The following DOCK1 variants were observed in gnomAD, a reference collection of about 807,000 sequenced individuals.
The protein encoded by DOCK1 is dedicator of cytokinesis 1, also known as dedicator of cytokinesis protein 1.
Under a neutral mutation model 262.7 loss-of-function variants are expected in DOCK1, and 138 were observed. The ratio of observed to expected loss-of-function variants is 0.53; its 90% CI spans 0.46 to 0.61. The LOEUF is 0.61. Ranked by LOEUF, DOCK1 falls within the 20% of genes least tolerant of loss-of-function variation. The pLI, the probability that DOCK1 is intolerant of heterozygous loss-of-function variation, is 0.00. For missense variants in DOCK1, 1,908 were observed against 2,370.7 expected (o/e 0.80, Z 4.05); for synonymous variants, 866 against 867.4 (o/e 1.00, Z 0.03).
chr10:126,970,579 T>C (rs779308028), intron 1 of DOCK1, 123 bp from the exon 2 acceptor site: 16 of 693,856 alleles, frequency 2.3e-5, no homozygotes, highest in Non-Finnish European at 4.0e-5. Flanking sequence ...GAGAGGATGA[T>C]GCAGGCAGCG....
intron 44 of DOCK1, among the ~76,000 whole-genome samples, chr10:127,417,317 C>T (rs2068217559): frequency 6.6e-6 from 1 of 152,194 alleles, no homozygotes; most frequent in Non-Finnish European, 1.5e-5. Context: ...GACCCAGCCA[C>T]GTTGCCCTGG....
intron 29 of DOCK1, among the ~76,000 whole-genome samples, chr10:127,288,750 A>G (rs746139955): frequency 1.6e-4 from 24 of 146,422 alleles, no homozygotes; most frequent in Non-Finnish European, 3.6e-4. Context: ...AATACATAGT[A>G]TATACTATAC....
chr10:127,363,571 C>T (rs2064717951), intron 33 of DOCK1, among the ~76,000 whole-genome samples: 2 of 152,018 alleles, frequency 1.3e-5, no homozygotes, highest in Non-Finnish European at 2.9e-5. Flanking sequence ...GAGAAAAATT[C>T]CTATAATGAA....
chr10:127,412,777 T>C (rs1313410390), intron 43 of DOCK1, among the ~76,000 whole-genome samples: 4 of 152,352 alleles, frequency 2.6e-5, no homozygotes, highest in African/African-American at 9.6e-5. Context: ...TTAAGAGCCA[T>C]GGGGAAGTTC....
chr10:126,975,066 C>T (rs564399336), intron 2 of DOCK1, among the ~76,000 whole-genome samples: 3 of 151,984 alleles, frequency 2.0e-5, no homozygotes, highest in South Asian at 2.1e-4. Context: ...CCTGTGTTCT[C>T]GTGCTGTTTG....
rs371420594 is a variant in DOCK1 at position 126,977,073 on chromosome 10, C to T, written c.131-875C>T. 3.9e-5 allele frequency among the ~76,000 whole-genome samples: 6 copies of T among 152,274 alleles called. No individual in the cohort carries two copies. The East Asian group carries it at 1.2e-3, about 29-fold the overall frequency. ...GATTAGCTTTCCAGAAACTAGATGG[C>T]CTGGAGTGACTTCAGAATGTTTGGG... On this transcript the variant is annotated intron_variant, in intron 2 of 51. Transcript: ENST00000623213.
chr10:127,021,444 C>T (rs1008621380), intron 13 of DOCK1, among the ~76,000 whole-genome samples: 5 of 152,194 alleles, frequency 3.3e-5, no homozygotes, highest in African/African-American at 9.7e-5. Context: ...GGATTACAGG[C>T]GTGAGCCACT....
chr10:127,299,768 C>CG (rs2061621135), intron 29 of DOCK1, among the ~76,000 whole-genome samples: 1 of 152,060 alleles, frequency 6.6e-6, no homozygotes, highest in Non-Finnish European at 1.5e-5. Flanking sequence ...CCTAGACCTA[C>CG]GTACTTTGGA....
chr10:127,120,951 C>G (rs112959530), intron 25 of DOCK1, among the ~76,000 whole-genome samples: 1 of 152,124 alleles, frequency 6.6e-6, no homozygotes. Flanking sequence ...TCATTTAGTT[C>G]TCAGTCAACC....
At chr10:127,332,800 C>T (rs2063040960) in intron 29 of DOCK1, among the ~76,000 whole-genome samples, 1 of 152,172 alleles carries the variant, frequency 6.6e-6, no homozygotes, top group East Asian at 1.9e-4. Context: ...TGAGTCACCA[C>T]CTGGATGAAG....
At chr10:127,255,157 T>C (rs1299297786) in intron 28 of DOCK1, among the ~76,000 whole-genome samples, 1 of 152,118 alleles carries the variant, frequency 6.6e-6, no homozygotes, top group East Asian at 1.9e-4. Flanking sequence ...CCCAACACTT[T>C]GGGAGGCCGA....
intron 27 of DOCK1, among the ~76,000 whole-genome samples, chr10:127,170,071 C>T (rs551681486): frequency 5.9e-5 from 9 of 152,044 alleles, no homozygotes; most frequent in Admixed American, 3.9e-4. Flanking sequence ...ACCACCCTTT[C>T]TCAATGAGGA....
chr10:127,433,438 G>T lies in DOCK1; in HGVS notation c.5060+10G>T, dbSNP rs1382107352. The T allele has an allele frequency of 6.2e-7, 1 of 1,613,860 alleles. No homozygotes were observed. The highest frequency in any genetic ancestry group is 8.5e-7 in the Non-Finnish European group (1 of 1,179,844). On this transcript the variant is annotated intron_variant, in intron 48 of 51. Coordinates refer to ENST00000623213, the MANE Select transcript of DOCK1 (RefSeq NM_001290223.2). ...GACCAGGCTCCGACGGGTGAGTCAA[G>T]CTCACAGCAGGGCTGAGCTGAGCAG...
chr10:127,213,343 G>A (rs776215403), intron 27 of DOCK1, among the ~76,000 whole-genome samples: 7 of 152,326 alleles, frequency 4.6e-5, no homozygotes, highest in East Asian at 1.9e-4. Context: ...ATGTTCTAAT[G>A]CTTTGGAAAG....
chr10:127,402,185 G>A (rs1320454200), intron 38 of DOCK1, among the ~76,000 whole-genome samples: 1 of 152,104 alleles, frequency 6.6e-6, no homozygotes, highest in East Asian at 1.9e-4. Context: ...TCTCTGAGGA[G>A]GAATGACAAA....
chr10:127,153,797 A>G, intron 27 of DOCK1: 1 of 1,371,298 alleles, frequency 7.3e-7, no homozygotes, highest in South Asian at 1.2e-5. Flanking sequence ...ATTTGTGGGT[A>G]AACATCATTT....
chr10:127,197,018 T>G (rs2057222004), intron 27 of DOCK1, among the ~76,000 whole-genome samples: 1 of 152,076 alleles, frequency 6.6e-6, no homozygotes, highest in Non-Finnish European at 1.5e-5. Context: ...GTGCGTGTCT[T>G]GTAGGTGCCT....
At chr10:127,298,135 C>G (rs2061564130) in intron 29 of DOCK1, among the ~76,000 whole-genome samples, 1 of 152,150 alleles carries the variant, frequency 6.6e-6, no homozygotes, top group Admixed American at 6.5e-5. Flanking sequence ...GTTATGAGCA[C>G]CATAATTTTA....
intron 27 of DOCK1, among the ~76,000 whole-genome samples, chr10:127,216,858 C>T (rs923444894): frequency 6.6e-6 from 1 of 152,052 alleles, no homozygotes; most frequent in Non-Finnish European, 1.5e-5. Context: ...AGTAGAAAGT[C>T]GTTTTACCAC....
Sources: allele counts gnomAD v4.1 joint callset (sites outside exome capture counted in the v4.1 genomes callset), GRCh38; gene constraint gnomAD v4.1.1; transcripts MANE v1.5; gene names NCBI Gene and HGNC (gene_info 2026-07-23, HGNC 2026-07-21).